KHDRBS2: variants seen among roughly 807,000 people sequenced by gnomAD.
KHDRBS2 encodes KH domain-containing, RNA-binding, signal transduction-associated protein 2.
KHDRBS2 carries 26 observed loss-of-function variants against 44.3 expected under a neutral mutation model. The ratio of observed to expected loss-of-function variants is 0.59; its 90% CI spans 0.43 to 0.81. The LOEUF is 0.81. Ranked by LOEUF, KHDRBS2 falls within the 40% of genes least tolerant of loss-of-function variation. The pLI is 0.00. For synonymous variants in KHDRBS2, 194 were observed against 151.1 expected (o/e 1.28, Z -2.08); for missense variants, 476 against 433.1 (o/e 1.10, Z -0.88).
At chr6:61,758,302 G>T (rs764419075) in intron 6 of KHDRBS2, among the ~76,000 whole-genome samples, 5 of 151,618 alleles carry the variant, frequency 3.3e-5, no homozygotes, top group Non-Finnish European at 7.4e-5. Flanking sequence ...TGTTGTTTTA[G>T]GTCAAAACGT....
the KHDRBS2 span, among the ~76,000 whole-genome samples, chr6:61,551,236 G>C: frequency 6.6e-6 from 1 of 152,034 alleles, no homozygotes; most frequent in Non-Finnish European, 1.5e-5. Context: ...TTGTGAATTT[G>C]TTCAAGTTTC....
At chr6:62,135,027 C>A (rs1811200887) in intron 2 of KHDRBS2, among the ~76,000 whole-genome samples, 1 of 152,042 alleles carries the variant, frequency 6.6e-6, no homozygotes, top group Non-Finnish European at 1.5e-5. Flanking sequence ...GTTGGGAAGG[C>A]ATGATTGATT....
chr6:61,972,280 T>C (rs573074515), intron 4 of KHDRBS2, among the ~76,000 whole-genome samples: 8 of 152,324 alleles, frequency 5.3e-5, no homozygotes, highest in African/African-American at 1.9e-4. Flanking sequence ...TATTATTCTA[T>C]TCTAAGAACT....
chr6:62,038,060 T>C (rs1442442831), intron 3 of KHDRBS2, among the ~76,000 whole-genome samples: 2 of 152,046 alleles, frequency 1.3e-5, no homozygotes, highest in Non-Finnish European at 2.9e-5. Context: ...ACTGCCACAA[T>C]GGAACAACTC....
At chr6:61,710,139 G>T (rs1770263294) in intron 7 of KHDRBS2, among the ~76,000 whole-genome samples, 1 of 151,586 alleles carries the variant, frequency 6.6e-6, no homozygotes, top group South Asian at 2.1e-4. Flanking sequence ...TCTGGGGAAA[G>T]AATATGTGAG....
At chr6:61,893,797 T>C (rs1162070763) in intron 6 of KHDRBS2, among the ~76,000 whole-genome samples, 1 of 151,938 alleles carries the variant, frequency 6.6e-6, no homozygotes, top group Non-Finnish European at 1.5e-5. Context: ...ATACCTAATG[T>C]AAATGATGAG....
At chr6:61,612,007 AGTATGTGCTT>A in the KHDRBS2 span, among the ~76,000 whole-genome samples, 1 of 152,238 alleles carries the variant, frequency 6.6e-6, no homozygotes, top group Non-Finnish European at 1.5e-5. Flanking sequence ...GGTCATATCA[AGTATGTGCTT>A]GTATACATGT....
the KHDRBS2 span, among the ~76,000 whole-genome samples, chr6:61,572,992 T>A: frequency 1.3e-5 from 2 of 152,018 alleles, no homozygotes; most frequent in African/African-American, 2.4e-5. Context: ...AACAAAGAAA[T>A]AAAGGGCATT....
intron 6 of KHDRBS2, among the ~76,000 whole-genome samples, chr6:61,853,285 A>G (rs1310614797): frequency 1.3e-5 from 2 of 152,178 alleles, no homozygotes; most frequent in Admixed American, 6.6e-5. Context: ...TATTAAGGCT[A>G]TTTTTATTTC....
At chr6:61,875,266 G>A (rs1472528169) in intron 6 of KHDRBS2, among the ~76,000 whole-genome samples, 17 of 151,788 alleles carry the variant, frequency 1.1e-4, no homozygotes, top group Non-Finnish European at 2.1e-4. Flanking sequence ...AGGGAGGTGC[G>A]GAAACCCATA....
chr6:62,058,992 A>G (rs1235594891), intron 2 of KHDRBS2, among the ~76,000 whole-genome samples: 1 of 151,672 alleles, frequency 6.6e-6, no homozygotes, highest in Non-Finnish European at 1.5e-5. Flanking sequence ...TTTGCTTAGC[A>G]CCTGAAACTT....
At chr6:61,714,736 G>A (rs1771100735) in intron 7 of KHDRBS2, among the ~76,000 whole-genome samples, 1 of 151,896 alleles carries the variant, frequency 6.6e-6, no homozygotes, top group Non-Finnish European at 1.5e-5. Context: ...ATGAAATCAT[G>A]TATTTTGCAA....
chr6:61,947,005 A>G (rs766688790), intron 4 of KHDRBS2, among the ~76,000 whole-genome samples: 2 of 152,186 alleles, frequency 1.3e-5, no homozygotes, highest in Non-Finnish European at 2.9e-5. Flanking sequence ...AATCCAACAG[A>G]AATATCATCT....
At chr6:62,178,915 C>T (rs972177998) in intron 1 of KHDRBS2, among the ~76,000 whole-genome samples, 1 of 151,352 alleles carries the variant, frequency 6.6e-6, no homozygotes, top group Non-Finnish European at 1.5e-5. Flanking sequence ...TAAGTATGAA[C>T]ATGTTTCATA....
At chr6:61,699,052 A>G (rs1424865965) in intron 7 of KHDRBS2, among the ~76,000 whole-genome samples, 1 of 152,100 alleles carries the variant, frequency 6.6e-6, no homozygotes, top group African/African-American at 2.4e-5. Flanking sequence ...CTCTTCTAGA[A>G]TATAAACTTC....
At chr6:61,774,645 T>A (rs577968738) in intron 6 of KHDRBS2, among the ~76,000 whole-genome samples, 1 of 152,220 alleles carries the variant, frequency 6.6e-6, no homozygotes, top group Admixed American at 6.5e-5. Context: ...ATTGAGGCAA[T>A]AATCAATAGC....
chr6:61,561,054 A>T, the KHDRBS2 span, among the ~76,000 whole-genome samples: 1 of 152,288 alleles, frequency 6.6e-6, no homozygotes, highest in Admixed American at 6.5e-5. Context: ...CCCCAAACCC[A>T]GTACCGACGT....
At chr6:62,280,247 G>A (rs1351485214) in intron 1 of KHDRBS2, among the ~76,000 whole-genome samples, 1 of 152,264 alleles carries the variant, frequency 6.6e-6, no homozygotes, top group African/African-American at 2.4e-5. Flanking sequence ...TATGGACTAC[G>A]CCTTGCAGGC....
At chr6:61,776,819 C>G (rs1426859479) in intron 6 of KHDRBS2, among the ~76,000 whole-genome samples, 2 of 152,116 alleles carry the variant, frequency 1.3e-5, no homozygotes, top group African/African-American at 4.8e-5. Context: ...AATCGTGCTG[C>G]TATAAAGTCA....
Sources: gnomAD v4.1 joint callset for allele counts (sites outside exome capture counted in the v4.1 genomes callset) on GRCh38, gnomAD v4.1.1 for gene constraint, MANE v1.5 for transcripts, NCBI Gene and HGNC (gene_info 2026-07-23, HGNC 2026-07-21) for gene names.